Variants in FSTL5 observed in about 807,000 individuals in gnomAD.
The protein encoded by FSTL5 is follistatin-related protein 5.
Under a neutral mutation model 89.1 loss-of-function variants are expected in FSTL5, and 62 were observed. The observed-to-expected ratio is 0.70, with a 90% CI of 0.57 to 0.86. The LOEUF (loss-of-function observed/expected upper bound fraction) is 0.86, where lower values mean the gene tolerates loss of function less well. Among genes scored for constraint, FSTL5 ranks in the 40% least tolerant of loss-of-function variants. The pLI is 0.00. For missense variants in FSTL5, 1,057 were observed against 1,001.6 expected, an observed-to-expected ratio of 1.06 and a Z score of -0.75; for synonymous variants, 383 against 346.2, an observed-to-expected ratio of 1.11 and a Z score of -1.18.
intron 4 of FSTL5, among the ~76,000 whole-genome samples, chr4:161,889,810 C>T (rs1425213477): frequency 1.3e-5 from 2 of 152,100 alleles, no homozygotes; most frequent in Non-Finnish European, 2.9e-5. Context: ...AGAATACAGG[C>T]CATCTTTATC....
intron 2 of FSTL5, among the ~76,000 whole-genome samples, chr4:162,038,597 A>C (rs1443305861): frequency 6.6e-6 from 1 of 151,838 alleles, no homozygotes; most frequent in Non-Finnish European, 1.5e-5. Context: ...CCATGTTGCT[A>C]GTCTTTTAAC....
chr4:161,998,895 A>ACAC (rs1299018890), intron 3 of FSTL5, among the ~76,000 whole-genome samples: 7 of 138,172 alleles, frequency 5.1e-5, no homozygotes, highest in African/African-American at 1.9e-4. Context: ...CACACACACG[A>ACAC]GTCAGGTTGG....
chr4:162,082,798 G>T (rs1353618067), intron 2 of FSTL5, among the ~76,000 whole-genome samples: 1 of 148,012 alleles, frequency 6.8e-6, no homozygotes, highest in East Asian at 2.0e-4. Context: ...CTTAAGCAAG[G>T]ACATAAAACT....
intron 8 of FSTL5, among the ~76,000 whole-genome samples, chr4:161,578,602 C>T (rs1733317562): frequency 6.6e-6 from 1 of 151,808 alleles, no homozygotes; most frequent in Non-Finnish European, 1.5e-5. Flanking sequence ...ATATATATCC[C>T]AAAGTCCAAG....
rs181033039 is a variant in FSTL5, at chr4:161,829,964, A to T, written c.410-53890T>A. ...ATAACAAGGAAAGACTAGAATCAGAACCATTTTTTGAGATGTATATACTAG... is the reference window on the plus strand; with the variant it reads ...ATAACAAGGAAAGACTAGAATCAGATCCATTTTTTGAGATGTATATACTAG... On this transcript the variant is annotated intron_variant, in intron 4 of 15. Coordinates refer to ENST00000306100, the MANE Select transcript of FSTL5 (RefSeq NM_020116.5). 3.3e-5 allele frequency among the ~76,000 whole-genome samples: 5 copies of T among 152,208 alleles called. No homozygotes were observed. The East Asian group carries it at 5.8e-4, about 18-fold the overall frequency.
Position 161,784,906 on chromosome 4 carries a change from AC to A in FSTL5, c.410-8833del, listed in dbSNP as rs201604546. Among the ~76,000 whole-genome samples the A allele has an allele frequency of 1.2e-4, 17 of 146,960 alleles. 1 individual carries two copies. The highest frequency in any genetic ancestry group is 2.7e-4 in the Admixed American group (4 of 14,756). ...AGACTCCGTCTCAAAAAAAACAAAA[AC>A]AAACAAACAAAAAAAAGAAGATATG... On this transcript the variant is annotated intron_variant, in intron 4 of 15. Transcript: ENST00000306100.
intron 7 of FSTL5, among the ~76,000 whole-genome samples, chr4:161,607,102 A>G (rs1005835702): frequency 6.6e-6 from 1 of 152,192 alleles, no homozygotes; most frequent in East Asian, 1.9e-4. Context: ...GGTTTCACAA[A>G]CAGTGCGCTA....
At chr4:161,680,869 T>G (rs1737495869) in intron 6 of FSTL5, among the ~76,000 whole-genome samples, 1 of 152,006 alleles carries the variant, frequency 6.6e-6, no homozygotes, top group Admixed American at 6.6e-5. Context: ...AGACTGAAAC[T>G]AGCAAGATTC....
intron 6 of FSTL5, among the ~76,000 whole-genome samples, chr4:161,752,857 A>G (rs938126905): frequency 6.6e-6 from 1 of 152,100 alleles, no homozygotes; most frequent in African/African-American, 2.4e-5. Context: ...TTTTGTCCTT[A>G]TGAGACACCA....
intron 3 of FSTL5, among the ~76,000 whole-genome samples, chr4:162,032,945 G>A (rs575439519): frequency 1.5e-4 from 23 of 152,096 alleles, no homozygotes; most frequent in Non-Finnish European, 3.2e-4. Flanking sequence ...CCAAAATGTA[G>A]ACTAAGAAGA....
chr4:161,542,990 G>A (rs752410965), intron 8 of FSTL5, among the ~76,000 whole-genome samples: 2 of 151,770 alleles, frequency 1.3e-5, no homozygotes, highest in African/African-American at 4.8e-5. Context: ...ACAGAAACCA[G>A]TTAAAAGAGA....
At chr4:161,723,985 T>C (rs1218104297) in intron 6 of FSTL5, among the ~76,000 whole-genome samples, 1 of 152,082 alleles carries the variant, frequency 6.6e-6, no homozygotes, top group African/African-American at 2.4e-5. Context: ...GCATAAAGTC[T>C]TTTTGAAAGA....
At chr4:161,889,649 T>C (rs1732925126) in intron 4 of FSTL5, among the ~76,000 whole-genome samples, 1 of 152,082 alleles carries the variant, frequency 6.6e-6, no homozygotes, top group African/African-American at 2.4e-5. Context: ...GTCGAATAAA[T>C]AAATAAATAA....
intron 8 of FSTL5, among the ~76,000 whole-genome samples, chr4:161,576,830 AG>A (rs946839535): frequency 6.6e-6 from 1 of 152,216 alleles, no homozygotes; most frequent in African/African-American, 2.4e-5. Context: ...CATAGAAAAA[AG>A]TTTCAAGGAG....
chr4:161,522,313 G>A (rs555325895), intron 10 of FSTL5, among the ~76,000 whole-genome samples: 391 of 152,274 alleles, frequency 2.6e-3, no homozygotes, highest in Non-Finnish European at 4.7e-3. Flanking sequence ...AAGAATGAAC[G>A]TAGGCACTGA....
intron 3 of FSTL5, among the ~76,000 whole-genome samples, chr4:161,961,966 T>A (rs758849614): frequency 1.3e-5 from 2 of 151,820 alleles, no homozygotes; most frequent in African/African-American, 2.4e-5. Flanking sequence ...AGATTAGTTA[T>A]CTATCAATTA....
intron 3 of FSTL5, among the ~76,000 whole-genome samples, chr4:161,967,197 T>A (rs1334803272): frequency 6.6e-6 from 1 of 152,056 alleles, no homozygotes; most frequent in African/African-American, 2.4e-5. Flanking sequence ...TGTTACATCA[T>A]CTTAAAATTG....
intron 3 of FSTL5, among the ~76,000 whole-genome samples, chr4:161,969,443 C>A (rs1026983747): frequency 7.9e-5 from 12 of 151,716 alleles, no homozygotes; most frequent in Non-Finnish European, 1.3e-4. Flanking sequence ...ATTAGATGTG[C>A]AAAAATAAAT....
chr4:161,666,485 C>G (rs1736896117), intron 6 of FSTL5, among the ~76,000 whole-genome samples: 1 of 152,112 alleles, frequency 6.6e-6, no homozygotes, highest in Non-Finnish European at 1.5e-5. Flanking sequence ...AAGGAAGCCT[C>G]ATCTAGCAAA....
Sources: gnomAD v4.1 joint callset for allele counts (sites outside exome capture counted in the v4.1 genomes callset) on GRCh38, gnomAD v4.1.1 for gene constraint, MANE v1.5 for transcripts, NCBI Gene and HGNC (gene_info 2026-07-23, HGNC 2026-07-21) for gene names.